KIF26B: variants seen among roughly 807,000 people sequenced by gnomAD.
KIF26B encodes the protein kinesin-like protein KIF26B.
A neutral mutation model predicts 151.2 loss-of-function variants in KIF26B; 63 were observed. The ratio of observed to expected loss-of-function variants is 0.42; its 90% confidence interval spans 0.34 to 0.51. The LOEUF (loss-of-function observed/expected upper bound fraction) is 0.51, where lower values mean the gene tolerates loss of function less well. Among genes scored for constraint, KIF26B ranks in the 20% least tolerant of loss-of-function variants. The pLI is 0.07. For synonymous variants in KIF26B, 1,357 were observed against 1,262.1 expected, an observed-to-expected ratio of 1.08 and a Z score of -1.59; for missense variants, 2,813 against 2,913.6, an observed-to-expected ratio of 0.97 and a Z score of 0.79.
At chr1:245,314,168 C>CG (rs1203834339) in intron 2 of KIF26B, among the ~76,000 whole-genome samples, 1 of 152,068 alleles carries the variant, frequency 6.6e-6, no homozygotes, top group Non-Finnish European at 1.5e-5. Flanking sequence ...TATATTCAGG[C>CG]GGGGGGCGGT....
rs75247446 is a variant in KIF26B at position 245,633,546 on chromosome 1, T to A, written c.2099-12575T>A. 4.8e-3 allele frequency among the ~76,000 whole-genome samples: 735 copies of A among 152,254 alleles called. 4 individuals carry two copies. Among genetic ancestry groups the A allele is most frequent in the African/African-American group, 0.017 (703 of 41,560 alleles). ...TGCTCTCCCAGTGAGTTTTTCAGTC[T>A]TGCGTATTCTCACGGTGGTAGTTAT... On this transcript the variant is annotated intron_variant, in intron 9 of 14. Coordinates refer to ENST00000407071, the MANE Select transcript of KIF26B (RefSeq NM_018012.4).
At chr1:245,492,240 C>A (rs1419267985) in intron 4 of KIF26B, among the ~76,000 whole-genome samples, 2 of 152,176 alleles carry the variant, frequency 1.3e-5, no homozygotes, top group Admixed American at 6.5e-5. Context: ...CAATTTAAAC[C>A]CTTCGGAGTG....
chr1:245,585,532 G>GAA (rs747204236), intron 5 of KIF26B, among the ~76,000 whole-genome samples: 9 of 143,818 alleles, frequency 6.3e-5, no homozygotes, highest in African/African-American at 1.8e-4. Flanking sequence ...CTCCACTAGG[G>GAA]AAAAAAAAAA....
intron 2 of KIF26B, among the ~76,000 whole-genome samples, chr1:245,236,327 G>A (rs1342443445): frequency 4.6e-5 from 7 of 152,094 alleles, no homozygotes; most frequent in Non-Finnish European, 1.0e-4. Context: ...CATGGGCTTT[G>A]GGCAAGTTAG....
At chr1:245,660,748 G>T (rs2044127719) in intron 10 of KIF26B, among the ~76,000 whole-genome samples, 1 of 152,144 alleles carries the variant, frequency 6.6e-6, no homozygotes, top group Non-Finnish European at 1.5e-5. Flanking sequence ...TGCTTTGTCT[G>T]TATCCTCAAG....
intron 2 of KIF26B, among the ~76,000 whole-genome samples, chr1:245,305,083 C>T (rs1671511286): frequency 6.6e-6 from 1 of 152,250 alleles, no homozygotes; most frequent in East Asian, 1.9e-4. Context: ...TAAAAATCAC[C>T]ACCCCCATGC....
At chr1:245,604,755 C>T (rs1156816494) in intron 6 of KIF26B, among the ~76,000 whole-genome samples, 10 of 152,180 alleles carry the variant, frequency 6.6e-5, no homozygotes, top group Non-Finnish European at 8.8e-5. Context: ...ACTGGAGTTT[C>T]GCTCATTTCA....
At chr1:245,454,959 G>C (rs1659480844) in intron 4 of KIF26B, among the ~76,000 whole-genome samples, 1 of 152,142 alleles carries the variant, frequency 6.6e-6, no homozygotes, top group Non-Finnish European at 1.5e-5. Flanking sequence ...ACAAATGTTT[G>C]AGCTCAAGGA....
chr1:245,354,709 G>A (rs1333212636), intron 2 of KIF26B, among the ~76,000 whole-genome samples: 2 of 152,160 alleles, frequency 1.3e-5, no homozygotes, highest in Non-Finnish European at 2.9e-5. Context: ...AAGAGAGCAT[G>A]CTGTTTAGAG....
rs1427470788 is a variant in KIF26B at position 245,488,715 on chromosome 1, T to C, written c.1167-52052T>C. ...AGACTTAGAGTTGAGTGAAGCATTT[T>C]AGCTTTAAGAAGATTATTATAATTA... is the stretch of plus-strand genomic sequence containing the variant. On this transcript the variant is annotated intron_variant, in intron 4 of 14. Transcript: ENST00000407071. This position sits in a 1 kb window ranked among gnomAD's most constrained non-coding sequence, Gnocchi z 4.6. Among the ~76,000 whole-genome samples, 1 of 152,214 alleles carries C rather than the reference T, an allele frequency of 6.6e-6. No individual in the cohort carries two copies. The highest frequency in any genetic ancestry group is 2.4e-5 in the African/African-American group (1 of 41,452).
rs536359067 is a variant in KIF26B at position 245,484,194 on chromosome 1, A to G, written c.1167-56573A>G. On this transcript the variant is annotated intron_variant, in intron 4 of 14. Coordinates refer to ENST00000407071, the MANE Select transcript of KIF26B (RefSeq NM_018012.4). ...TGACCTCTCTGCCTTGCCTCTCTTA[A>G]TAAGTGTTAATAATGCTGGGTTACA... 1.5e-4 allele frequency among the ~76,000 whole-genome samples: 23 copies of G among 151,848 alleles called. No individual in the cohort carries two copies. The Middle Eastern group carries it at 0.01, about 67-fold the overall frequency.
chr1:245,211,717 A>G (rs1029220232), intron 2 of KIF26B, among the ~76,000 whole-genome samples: 1 of 152,198 alleles, frequency 6.6e-6, no homozygotes, highest in Admixed American at 6.5e-5. Flanking sequence ...CTTTTTATAA[A>G]GAAAAAAATT....
intron 2 of KIF26B, among the ~76,000 whole-genome samples, chr1:245,308,586 G>A (rs1346139761): frequency 3.3e-5 from 5 of 152,148 alleles, no homozygotes; most frequent in Non-Finnish European, 7.3e-5. Flanking sequence ...AAAAAGAGTA[G>A]CCGGGCATGG....
chr1:245,675,878 C>T (rs113617902), intron 10 of KIF26B, among the ~76,000 whole-genome samples: 1,921 of 152,046 alleles, frequency 0.013, 51 homozygotes, highest in African/African-American at 0.043. Context: ...AGCCAGTGGC[C>T]ATGGGTTAGA....
chr1:245,387,161 G>GT (rs1306200194), intron 3 of KIF26B, among the ~76,000 whole-genome samples: 53 of 92,674 alleles, frequency 5.7e-4, no homozygotes, highest in Non-Finnish European at 7.4e-4. Context: ...TTTGTTTTTT[G>GT]TTTTTTGTTT....
At chr1:245,620,689 A>G (rs1376260939) in intron 9 of KIF26B, among the ~76,000 whole-genome samples, 1 of 152,238 alleles carries the variant, frequency 6.6e-6, no homozygotes, top group Non-Finnish European at 1.5e-5. Context: ...GGTGTGAGCC[A>G]TGGTACCCGT....
intron 9 of KIF26B, among the ~76,000 whole-genome samples, chr1:245,619,886 C>T (rs2043639932): frequency 1.3e-5 from 2 of 151,952 alleles, no homozygotes. Context: ...GCACTCCAGC[C>T]TGGGTGACAG....
intron 2 of KIF26B, among the ~76,000 whole-genome samples, chr1:245,344,677 T>G (rs1456364962): frequency 6.6e-6 from 1 of 151,854 alleles, no homozygotes; most frequent in African/African-American, 2.4e-5. Flanking sequence ...GTTCTTCTGC[T>G]GGGATGCTGG....
intron 2 of KIF26B, among the ~76,000 whole-genome samples, chr1:245,324,045 G>A (rs11589339): frequency 5.4e-4 from 69 of 127,820 alleles, no homozygotes; most frequent in Admixed American, 3.2e-3. Context: ...GAGGTGGGGT[G>A]GACCCTGATG....
Sources: gnomAD v4.1 joint callset for allele counts (sites outside exome capture counted in the v4.1 genomes callset) on GRCh38, gnomAD v4.1.1 for gene constraint, Gnocchi (gnomAD v3.1) non-coding constraint, MANE v1.5 for transcripts, NCBI Gene and HGNC (gene_info 2026-07-23, HGNC 2026-07-21) for gene names.